The following CD9 variants were observed in gnomAD, a reference collection of about 807,000 sequenced individuals.
CD9 encodes the protein CD9 antigen.
CD9 carries 10 observed loss-of-function variants against 31.4 expected under a neutral mutation model. That is an observed-to-expected ratio of 0.32 (90% CI 0.20 to 0.54). CD9 has a LOEUF of 0.54. CD9 is among the 20% of genes least tolerant of loss of function. The probability of loss-of-function intolerance (pLI) is 0.94; values close to 1 mark genes in which losing one functional copy is unlikely to be tolerated. For missense variants in CD9, 259 were observed against 300.1 expected, an observed-to-expected ratio of 0.86 and a Z score of 1.01; for synonymous variants, 113 against 114.1, an observed-to-expected ratio of 0.99 and a Z score of 0.06.
intron 4 of CD9, 31 bp downstream of exon 4, chr12:6,233,517 T>C: frequency 6.5e-7 from 1 of 1,539,900 alleles, no homozygotes; most frequent in South Asian, 1.1e-5. Flanking sequence ...CTCTTGGGTT[T>C]GGGAGTTGGG....
chr12:6,232,332 C>T lies in CD9; in HGVS notation c.176-300C>T, dbSNP rs974234840. 2.1e-5 allele frequency: 10 copies of T among 476,782 alleles called. No homozygotes were observed. Among genetic ancestry groups the T allele is most frequent in the East Asian group, 8.2e-5 (2 of 24,416 alleles). The allele number at this position is 476,782 out of a possible 1,614,324, so 29.5% of individuals were successfully genotyped here. A position where few individuals can be genotyped will look rare whatever the true frequency, so the allele number is the denominator to read the frequency against. On this transcript the variant is annotated intron_variant, in intron 2 of 7. Coordinates refer to ENST00000009180, the MANE Select transcript of CD9 (RefSeq NM_001769.4). This position sits in a 1 kb window ranked among gnomAD's most constrained non-coding sequence, Gnocchi z 4.8. ...TTTGCATTCCGAATGTAGGGATTCC[C>T]GTGGATATTCTCTGTCCTGGATTGA...
intron 4 of CD9, 132 bp downstream of exon 4, chr12:6,233,618 C>A: frequency 1.4e-6 from 1 of 704,452 alleles, no homozygotes; most frequent in East Asian, 2.6e-5. Flanking sequence ...TCATCGCGTC[C>A]CTGTGTGCCA....
chr12:6,206,475 T>C (rs1265606540), intron 1 of CD9, among the ~76,000 whole-genome samples: 2 of 152,114 alleles, frequency 1.3e-5, no homozygotes, highest in African/African-American at 4.8e-5. Context: ...CTGCCAACCT[T>C]GGCCTCCCAA....
chr12:6,220,247 G>A (rs1482615623), intron 1 of CD9, among the ~76,000 whole-genome samples: 2 of 152,174 alleles, frequency 1.3e-5, no homozygotes, highest in African/African-American at 4.8e-5. Flanking sequence ...ATTCTAAGAG[G>A]GACTTGTACT....
Position 6,214,842 on chromosome 12 carries a change from G to C in CD9, c.67-10584G>C, listed in dbSNP as rs568290198. ...CGGGCCCACTGAGTCACCAGGGCCT[G>C]TTACCAGAGGAGAGTTCACGCAGGC... On this transcript the variant is annotated intron_variant, in intron 1 of 7. Transcript: ENST00000009180. Among the ~76,000 whole-genome samples the C allele has an allele frequency of 2.6e-5, 4 of 152,274 alleles. No individual in the cohort carries two copies. In the East Asian group the frequency reaches 5.8e-4, roughly 22 times the overall value.
At chr12:6,226,711 A>C (rs1946371203) in intron 2 of CD9, among the ~76,000 whole-genome samples, 1 of 152,212 alleles carries the variant, frequency 6.6e-6, no homozygotes. Flanking sequence ...TATCGGAAAG[A>C]AAGTGAGAGA....
chr12:6,235,240 A>T lies in CD9; in HGVS notation c.360A>T (p.Glu120Asp). 2 of 1,605,370 alleles carry T rather than the reference A, an allele frequency of 1.2e-6. No individual in the cohort carries two copies. The highest frequency in any genetic ancestry group is 2.7e-5 in the African/African-American group (2 of 74,914). Residue 120 changes from glutamate (E) to aspartate (D), a missense_variant, in exon 5 of 8, where the codon GAA becomes GAT. Coordinates refer to ENST00000009180, the MANE Select transcript of CD9 (RefSeq NM_001769.4). ...TCTGCCCATTGTAGGTGATTAAGGA[A>T]GTCCAGGAGTTTTACAAGGACACCT... ...GYSHKDEVIK[E>D]VQEFYKDTYN... is the part of the protein sequence containing the mutation.
rs1946376638 is a variant in CD9, at chr12:6,227,038, A to T, written c.175+1504A>T. Among the ~76,000 whole-genome samples, 8 of 152,304 alleles carry T rather than the reference A, an allele frequency of 5.3e-5. No individual in the cohort carries two copies. In the South Asian group the frequency reaches 1.7e-3, roughly 32 times the overall value. On this transcript the variant is annotated intron_variant, in intron 2 of 7. Transcript: ENST00000009180. Reference sequence around the variant, plus strand: ...CGCGTGTGTCTCCAAAGAGAGACTCAGTCCTCCCTTGTCCTGGCTGCTTCT... The same window carrying T: ...CGCGTGTGTCTCCAAAGAGAGACTCTGTCCTCCCTTGTCCTGGCTGCTTCT...
At chr12:6,206,458 A>G (rs1946133637) in intron 1 of CD9, among the ~76,000 whole-genome samples, 2 of 152,172 alleles carry the variant, frequency 1.3e-5, no homozygotes, top group African/African-American at 4.8e-5. Context: ...TCCTAGGCTC[A>G]AGCGATCTGC....
In CD9 at chr12:6,232,891, C is replaced by T. The variant is rs970467997; in HGVS notation, c.273+162C>T. On this transcript the variant is annotated intron_variant, in intron 3 of 7. Coordinates refer to ENST00000009180, the MANE Select transcript of CD9 (RefSeq NM_001769.4). This position sits in a 1 kb window ranked among gnomAD's most constrained non-coding sequence, Gnocchi z 4.8. ...GCCTGGGCCCCTCCCCGATGTGAGG[C>T]GTCGCCCCTCTTCCTTTCTGGAGCC... 7 of 704,304 alleles carry T rather than the reference C, an allele frequency of 9.9e-6. No individual in the cohort carries two copies. Among genetic ancestry groups the T allele is most frequent in the South Asian group, 3.0e-5 (2 of 67,642 alleles). 43.6% of individuals were successfully genotyped at this position (704,304 alleles called of 1,614,324 possible).
intron 1 of CD9, among the ~76,000 whole-genome samples, chr12:6,209,473 T>G (rs1946168996): frequency 6.6e-6 from 1 of 152,180 alleles, no homozygotes; most frequent in Non-Finnish European, 1.5e-5. Context: ...ATATTCCTCC[T>G]GCTCTCCATG....
At chr12:6,233,179 G>A in intron 3 of CD9, 1 of 651,778 alleles carries the variant, frequency 1.5e-6, no homozygotes, top group Non-Finnish European at 2.8e-6. Context: ...GGGCTCAGCT[G>A]TGCTCAGCTC....
At chr12:6,203,888 A>G (rs1021841212) in intron 1 of CD9, among the ~76,000 whole-genome samples, 2 of 152,154 alleles carry the variant, frequency 1.3e-5, no homozygotes, top group African/African-American at 4.8e-5. Flanking sequence ...AGGTTTGGCT[A>G]TACTGACAGA....
chr12:6,228,832 T>C (rs1946404179), intron 2 of CD9, among the ~76,000 whole-genome samples: 1 of 152,182 alleles, frequency 6.6e-6, no homozygotes, highest in South Asian at 2.1e-4. Context: ...GACCGCCCCT[T>C]GCACTGGGCC....
chr12:6,237,188 T>A (rs1946533196), intron 7 of CD9, among the ~76,000 whole-genome samples: 1 of 152,114 alleles, frequency 6.6e-6, no homozygotes, highest in Non-Finnish European at 1.5e-5. Flanking sequence ...TTGGTCAGGC[T>A]GGTCTCGAAC....
chr12:6,233,934 G>T (rs1458039685), intron 4 of CD9, among the ~76,000 whole-genome samples: 1 of 149,588 alleles, frequency 6.7e-6, no homozygotes, highest in Non-Finnish European at 1.5e-5. Context: ...GTCCACAGAT[G>T]TTTGAACTAT....
intron 1 of CD9, among the ~76,000 whole-genome samples, chr12:6,211,652 G>A (rs2136607883): frequency 6.6e-6 from 1 of 152,310 alleles, no homozygotes; most frequent in Admixed American, 6.5e-5. Flanking sequence ...AGCTCGGCGA[G>A]GCATACACAA....
chr12:6,230,874 T>G (rs980058116), intron 2 of CD9, among the ~76,000 whole-genome samples: 1 of 152,216 alleles, frequency 6.6e-6, no homozygotes, highest in Non-Finnish European at 1.5e-5. Flanking sequence ...TAACCCCACG[T>G]GACTTGACCT....
rs1946542626 is a variant in CD9, at chr12:6,237,976, G to A, written c.*148G>A. On this transcript the variant is annotated 3_prime_UTR_variant, in exon 8 of 8. Transcript: ENST00000009180. ...TCTGCATTGCTAGATAAAAGCTGAA[G>A]TTACTTTATGTTTGTCTTTTAATGC... is the stretch of plus-strand genomic sequence containing the variant. The A allele has an allele frequency of 3.6e-6, 2 of 558,730 alleles. No homozygotes were observed. Among genetic ancestry groups the A allele is most frequent in the Non-Finnish European group, 6.5e-6 (2 of 309,522 alleles). The allele number at this position is 558,730 out of a possible 1,614,324, so 34.6% of individuals were successfully genotyped here.
Sources: allele counts gnomAD v4.1 joint callset (sites outside exome capture counted in the v4.1 genomes callset), GRCh38; gene constraint gnomAD v4.1.1; non-coding constraint Gnocchi (gnomAD v3.1); transcripts MANE v1.5; gene names NCBI Gene and HGNC (gene_info 2026-07-23, HGNC 2026-07-21).